AK2: variants seen among roughly 807,000 people sequenced by gnomAD.
AK2 encodes the protein adenylate kinase 2.
Under a neutral mutation model 24.6 loss-of-function variants are expected in AK2, and 15 were observed. The ratio of observed to expected loss-of-function variants is 0.61; its 90% confidence interval spans 0.41 to 0.94. AK2 has a LOEUF of 0.94. Ranked by LOEUF, AK2 falls within the 40% of genes least tolerant of loss-of-function variation. The pLI, the probability that AK2 is intolerant of heterozygous loss-of-function variation, is 0.00. For synonymous variants in AK2, 102 were observed against 114.0 expected, an observed-to-expected ratio of 0.90 and a Z score of 0.67; for missense variants, 257 against 304.1, an observed-to-expected ratio of 0.85 and a Z score of 1.15.
At position 33,021,759 on chromosome 1, in the gene AK2, C is replaced by CA. The variant is rs1639574971; in HGVS notation, c.220-57dup. 9.5e-6 allele frequency: 13 copies of CA among 1,366,360 alleles called. No homozygotes were observed. The Admixed American group carries it at 2.2e-4, about 23-fold the overall frequency. 84.6% of individuals were successfully genotyped at this position (1,366,360 alleles called of 1,614,324 possible). On this transcript the variant is annotated intron_variant, in intron 2 of 5. Transcript: ENST00000672715. ...TTAAATCCATTACCTAGGTGACTGACATTAGCCCAACTCCACAGCCAAAAG... is the reference window on the plus strand; with the variant it reads ...TTAAATCCATTACCTAGGTGACTGACAATTAGCCCAACTCCACAGCCAAAAG...
chr1:33,028,025 C>T (rs953997707), intron 1 of AK2, among the ~76,000 whole-genome samples: 1 of 152,172 alleles, frequency 6.6e-6, no homozygotes, highest in Non-Finnish European at 1.5e-5. Flanking sequence ...CCAAAAACAT[C>T]AGACACGCAG....
At chr1:33,028,325 G>C (rs1252229193) in intron 1 of AK2, among the ~76,000 whole-genome samples, 1 of 152,024 alleles carries the variant, frequency 6.6e-6, no homozygotes, top group Non-Finnish European at 1.5e-5. Flanking sequence ...CCAACATGGA[G>C]AAACCCCGTC....
Position 33,014,516 on chromosome 1 carries a change from A to G in AK2, c.498+6T>C. 1 of 1,611,452 alleles carries G rather than the reference A, an allele frequency of 6.2e-7. No individual in the cohort carries two copies. Among genetic ancestry groups the G allele is most frequent in the Non-Finnish European group, 8.5e-7 (1 of 1,178,042 alleles). ...AAAGGAAATTTTTTGTCCTGAGTTT[A>G]CATACGTCATCTTTCATGGGCTCTT... On this transcript the variant is annotated splice_donor_region_variant and intron_variant, in intron 5 of 5. Transcript: ENST00000672715.
chr1:33,017,472 C>T (rs1269792608), intron 4 of AK2, among the ~76,000 whole-genome samples: 1 of 152,174 alleles, frequency 6.6e-6, no homozygotes, highest in Non-Finnish European at 1.5e-5. Context: ...GAGATACGGA[C>T]CAGGATATTT....
intron 1 of AK2, among the ~76,000 whole-genome samples, chr1:33,030,054 A>T (rs977858343): frequency 6.6e-6 from 1 of 152,128 alleles, no homozygotes; most frequent in East Asian, 1.9e-4. Flanking sequence ...CAACTTCTAA[A>T]ACCTGCCAAG....
chr1:33,009,969 T>G lies in AK2; in HGVS notation c.*3212A>C, dbSNP rs1446538577. On this transcript the variant is annotated 3_prime_UTR_variant, in exon 6 of 6. Transcript: ENST00000672715. ...ATTTAGGGGCCAAACAAGGCAGCAT[T>G]TGGTCAGTTAAGAAAGGCACCTCAT... 1 of 454,600 alleles carries G rather than the reference T, an allele frequency of 2.2e-6. No individual in the cohort carries two copies. The highest frequency in any genetic ancestry group is 1.6e-5 in the South Asian group (1 of 64,480). 28.2% of individuals were successfully genotyped at this position (454,600 alleles called of 1,614,324 possible). A position where few individuals can be genotyped will look rare whatever the true frequency, so the allele number is the denominator to read the frequency against.
At chr1:33,023,732 C>G (rs1639694571) in intron 2 of AK2, among the ~76,000 whole-genome samples, 1 of 152,214 alleles carries the variant, frequency 6.6e-6, no homozygotes, top group South Asian at 2.1e-4. Context: ...TTGAATACAT[C>G]TCTGAGTTCT....
intron 4 of AK2, among the ~76,000 whole-genome samples, chr1:33,019,102 C>T (rs762476311): frequency 1.3e-5 from 2 of 152,192 alleles, no homozygotes; most frequent in Non-Finnish European, 2.9e-5. Context: ...GGGAAAGGCT[C>T]TCTGAAATAC....
At chr1:33,023,325 G>T (rs1639666943) in intron 2 of AK2, among the ~76,000 whole-genome samples, 1 of 152,142 alleles carries the variant, frequency 6.6e-6, no homozygotes, top group African/African-American at 2.4e-5. Context: ...CACTTAGAGA[G>T]GCTGGGGCAG....
chr1:33,026,094 T>C (rs971969759), intron 1 of AK2, among the ~76,000 whole-genome samples: 2 of 152,224 alleles, frequency 1.3e-5, no homozygotes, highest in African/African-American at 4.8e-5. Context: ...ATATAATCAG[T>C]TCAAGGAGCT....
At chr1:33,020,230 A>C (rs1639452237) in intron 4 of AK2, 1 of 690,734 alleles carries the variant, frequency 1.4e-6, no homozygotes, top group South Asian at 2.6e-5. Context: ...CACACACACA[A>C]AGTGGCTGTA....
chr1:33,014,698 G>A (rs1037019280), intron 4 of AK2, 104 bp from the exon 5 acceptor site: 1 of 972,098 alleles, frequency 1.0e-6, no homozygotes, highest in African/African-American at 1.6e-5. Context: ...GACGCTGGAT[G>A]CAAGGACCCA....
Position 33,008,362 on chromosome 1 carries a change from G to T in AK2, c.*4819C>A, listed in dbSNP as rs1275516478. ...TGTCTTCATCTGAGGAAAGACTTGTGAGGCTTCTGAGGAGGCTGCTCTCCA... is the reference window on the plus strand; with the variant it reads ...TGTCTTCATCTGAGGAAAGACTTGTTAGGCTTCTGAGGAGGCTGCTCTCCA... On this transcript the variant is annotated 3_prime_UTR_variant, in exon 6 of 6. Transcript: ENST00000672715. The T allele has an allele frequency of 2.2e-6, 1 of 454,104 alleles. No homozygotes were observed. The highest frequency in any genetic ancestry group is 2.3e-5 in the Admixed American group (1 of 42,572). 28.1% of individuals were successfully genotyped at this position (454,104 alleles called of 1,614,324 possible). A position where few individuals can be genotyped will look rare whatever the true frequency, so the allele number is the denominator to read the frequency against.
intron 5 of AK2, among the ~76,000 whole-genome samples, chr1:33,013,769 T>A (rs1228706029): frequency 6.6e-6 from 1 of 152,126 alleles, no homozygotes; most frequent in Non-Finnish European, 1.5e-5. Context: ...CCAGAATACA[T>A]CAAAATCAAA....
intron 1 of AK2, among the ~76,000 whole-genome samples, chr1:33,025,548 C>T (rs991287534): frequency 6.6e-6 from 1 of 152,200 alleles, no homozygotes; most frequent in South Asian, 2.1e-4. Flanking sequence ...GAGATATATA[C>T]AAAGAGCACT....
intron 4 of AK2, among the ~76,000 whole-genome samples, chr1:33,017,839 C>T (rs184109291): frequency 2.4e-4 from 36 of 152,270 alleles, no homozygotes; most frequent in Admixed American, 1.3e-3. Flanking sequence ...AGTGCAGCCT[C>T]GACCTCCCTA....
At chr1:33,016,888 G>A (rs1343620823) in intron 4 of AK2, among the ~76,000 whole-genome samples, 1 of 151,598 alleles carries the variant, frequency 6.6e-6, no homozygotes. Flanking sequence ...TGTATTTTTA[G>A]TAGAGACGGG....
At position 33,009,484 on chromosome 1, in the gene AK2, TTC is replaced by T. The variant is rs1374142381; in HGVS notation, c.*3695_*3696del. The T allele has an allele frequency of 2.2e-6, 1 of 454,138 alleles. No individual in the cohort carries two copies. Among genetic ancestry groups the T allele is most frequent in the South Asian group, 1.6e-5 (1 of 64,482 alleles). The allele number at this position is 454,138 out of a possible 1,614,324, so 28.1% of individuals were successfully genotyped here. A position where few individuals can be genotyped will look rare whatever the true frequency, so the allele number is the denominator to read the frequency against. The stretch of plus-strand genomic sequence containing the variant: ...CCAGCCTGGCAGGAAGCAGATATCT[TTC>T]TGTGTATATCTGGATCCAACTAACA... On this transcript the variant is annotated 3_prime_UTR_variant, in exon 6 of 6. Transcript: ENST00000672715.
At position 33,021,334 on chromosome 1, in the gene AK2, A is replaced by T. The variant is rs10399747; in HGVS notation, c.425+33T>A. The T allele has an allele frequency of 2.8e-3, 4,472 of 1,574,538 alleles. 97 individuals are homozygous for T. In the African/African-American group the frequency reaches 0.051, roughly 18 times the overall value. Reference sequence around the variant, plus strand: ...TCTCAGAGTTTGAGAAAGCTCTGAGAAGCATGAAAAGGGACCTTCAAGGGA... The same window carrying T: ...TCTCAGAGTTTGAGAAAGCTCTGAGTAGCATGAAAAGGGACCTTCAAGGGA... On this transcript the variant is annotated intron_variant, in intron 4 of 5. Coordinates refer to ENST00000672715, the MANE Select transcript of AK2 (RefSeq NM_001625.4).
Sources: gnomAD v4.1 joint callset for allele counts (sites outside exome capture counted in the v4.1 genomes callset) on GRCh38, gnomAD v4.1.1 for gene constraint, MANE v1.5 for transcripts, NCBI Gene and HGNC (gene_info 2026-07-23, HGNC 2026-07-21) for gene names.